Variants in CADPS2 observed in about 807,000 individuals in gnomAD.
CADPS2 encodes the protein calcium dependent secretion activator 2.
Under a neutral mutation model 172.5 loss-of-function variants are expected in CADPS2, and 93 were observed. That is an observed-to-expected ratio of 0.54 (90% CI 0.46 to 0.64). The LOEUF (loss-of-function observed/expected upper bound fraction) is 0.64, where lower values mean the gene tolerates loss of function less well. Among genes scored for constraint, CADPS2 ranks in the 30% least tolerant of loss-of-function variants. The pLI, the probability that CADPS2 is intolerant of heterozygous loss-of-function variation, is 0.00. For synonymous variants in CADPS2, 546 were observed against 555.2 expected, an observed-to-expected ratio of 0.98 and a Z score of 0.23; for missense variants, 1,420 against 1,565.9, an observed-to-expected ratio of 0.91 and a Z score of 1.57.
intron 8 of CADPS2, among the ~76,000 whole-genome samples, chr7:122,537,729 G>A (rs2062455063): frequency 6.6e-6 from 1 of 151,622 alleles, no homozygotes; most frequent in Non-Finnish European, 1.5e-5. Context: ...GGAAATTAAT[G>A]GAACTAAGAT....
intron 3 of CADPS2, among the ~76,000 whole-genome samples, chr7:122,645,524 A>AAT (rs199627947): frequency 3.4e-5 from 1 of 29,272 alleles, no homozygotes; most frequent in South Asian, 1.9e-3. Flanking sequence ...TTATATATAT[A>AAT]TAAGTATATA....
intron 19 of CADPS2, among the ~76,000 whole-genome samples, chr7:122,413,812 A>C (rs1300445981): frequency 6.6e-6 from 1 of 152,252 alleles, no homozygotes; most frequent in East Asian, 1.9e-4. Context: ...CCAAAGACAC[A>C]AACCAAATAT....
chr7:122,509,015 T>C (rs966066018), intron 9 of CADPS2, among the ~76,000 whole-genome samples: 2 of 152,196 alleles, frequency 1.3e-5, no homozygotes, highest in Non-Finnish European at 2.9e-5. Flanking sequence ...CATGATTTTC[T>C]TGATTTGGCA....
At chr7:122,754,852 T>C (rs2093094636) in intron 1 of CADPS2, among the ~76,000 whole-genome samples, 1 of 152,350 alleles carries the variant, frequency 6.6e-6, no homozygotes, top group Non-Finnish European at 1.5e-5. Context: ...CTGAATTAAA[T>C]GAAAATGTAT....
chr7:122,791,997 TC>T (rs1795391117), intron 1 of CADPS2, among the ~76,000 whole-genome samples: 1 of 152,140 alleles, frequency 6.6e-6, no homozygotes, highest in South Asian at 2.1e-4. Flanking sequence ...ACAGATCAAT[TC>T]CCAGATAGCC....
chr7:122,669,313 AGAGT>A (rs2081515913), intron 2 of CADPS2, among the ~76,000 whole-genome samples: 1 of 151,736 alleles, frequency 6.6e-6, no homozygotes, highest in Non-Finnish European at 1.5e-5. Flanking sequence ...ACTGAGTGAC[AGAGT>A]GAGATCCTGT....
chr7:122,641,932 T>G (rs2077694098), intron 3 of CADPS2, among the ~76,000 whole-genome samples: 1 of 151,650 alleles, frequency 6.6e-6, no homozygotes, highest in South Asian at 2.1e-4. Flanking sequence ...GAGAAAAATG[T>G]TTTTCTGGAA....
intron 1 of CADPS2, among the ~76,000 whole-genome samples, chr7:122,797,311 C>T (rs933779088): frequency 1.1e-4 from 17 of 152,228 alleles, no homozygotes; most frequent in African/African-American, 3.9e-4. Context: ...GACCTAAAAA[C>T]AGAACTATCA....
At chr7:122,820,936 A>G (rs1803073521) in intron 1 of CADPS2, among the ~76,000 whole-genome samples, 1 of 150,990 alleles carries the variant, frequency 6.6e-6, no homozygotes, top group South Asian at 2.1e-4. Context: ...AGGCCCTCAA[A>G]ATCACAAACT....
chr7:122,442,747 A>G (rs1303277732), intron 15 of CADPS2, among the ~76,000 whole-genome samples: 1 of 152,160 alleles, frequency 6.6e-6, no homozygotes, highest in African/African-American at 2.4e-5. Flanking sequence ...AGTCTCACAC[A>G]GATGCAAATA....
At chr7:122,828,760 T>C (rs776286088) in intron 1 of CADPS2, among the ~76,000 whole-genome samples, 1 of 152,188 alleles carries the variant, frequency 6.6e-6, no homozygotes, top group Non-Finnish European at 1.5e-5. Context: ...GAGACTGTTT[T>C]TTCCCCTTTT....
At chr7:122,436,406 G>A in intron 17 of CADPS2, 1 of 1,259,708 alleles carries the variant, frequency 7.9e-7, no homozygotes, top group Non-Finnish European at 1.0e-6. Context: ...AGAGAATTTA[G>A]GAGAAAAGCA....
intron 1 of CADPS2, among the ~76,000 whole-genome samples, chr7:122,784,852 T>C (rs1793644568): frequency 6.6e-6 from 1 of 152,202 alleles, no homozygotes; most frequent in African/African-American, 2.4e-5. Flanking sequence ...GGCCAAAATC[T>C]TTCTTTAGCT....
intron 1 of CADPS2, among the ~76,000 whole-genome samples, chr7:122,826,530 A>C (rs1019789226): frequency 1.3e-5 from 2 of 152,228 alleles, no homozygotes; most frequent in African/African-American, 4.8e-5. Context: ...CATAATAAAA[A>C]ATAAACAATC....
At chr7:122,507,417 T>G (rs1456049545) in intron 9 of CADPS2, among the ~76,000 whole-genome samples, 1 of 152,156 alleles carries the variant, frequency 6.6e-6, no homozygotes, top group Non-Finnish European at 1.5e-5. Context: ...AGTTTATATA[T>G]TTATTTGAGG....
At chr7:122,486,084 C>T (rs2057782766) in intron 11 of CADPS2, among the ~76,000 whole-genome samples, 1 of 152,088 alleles carries the variant, frequency 6.6e-6, no homozygotes. Context: ...TGCTCAAGAG[C>T]TCTGCTGGAG....
At chr7:122,860,271 C>CA (rs1269961912) in intron 1 of CADPS2, among the ~76,000 whole-genome samples, 1 of 152,112 alleles carries the variant, frequency 6.6e-6, no homozygotes. Flanking sequence ...CTCTGTTACC[C>CA]AGGCTGGAGT....
At chr7:122,610,719 G>T (rs1190360938) in intron 6 of CADPS2, among the ~76,000 whole-genome samples, 5 of 151,858 alleles carry the variant, frequency 3.3e-5, no homozygotes, top group Non-Finnish European at 5.9e-5. Context: ...AAGATTATGT[G>T]GGGAAAAAAA....
chr7:122,628,213 TAAAC>T (rs887493062), intron 4 of CADPS2, among the ~76,000 whole-genome samples: 1 of 152,148 alleles, frequency 6.6e-6, no homozygotes, highest in African/African-American at 2.4e-5. Context: ...AATAAACACT[TAAAC>T]AGTGTTAGCA....
Sources: allele counts gnomAD v4.1 joint callset (sites outside exome capture counted in the v4.1 genomes callset), GRCh38; gene constraint gnomAD v4.1.1; transcripts MANE v1.5; gene names NCBI Gene and HGNC (gene_info 2026-07-23, HGNC 2026-07-21).